Variants in LGALSL observed in about 807,000 individuals in gnomAD.
LGALSL encodes the protein galectin-related protein.
Under a neutral mutation model 19.5 loss-of-function variants are expected in LGALSL, and 13 were observed. The ratio of observed to expected loss-of-function variants is 0.67; its 90% CI spans 0.43 to 1.06. LGALSL has a LOEUF of 1.06. Among genes scored for constraint, LGALSL ranks in the 50% least tolerant of loss-of-function variants. LGALSL has a pLI of 0.00. For synonymous variants in LGALSL, 86 were observed against 78.3 expected (o/e 1.10, Z -0.52); for missense variants, 189 against 219.3 (o/e 0.86, Z 0.87).
Position 64,454,476 on chromosome 2 carries a change from C to A in LGALSL, c.-70C>A. On this transcript the variant is annotated 5_prime_UTR_variant, in exon 1 of 5. Coordinates refer to ENST00000238875, the MANE Select transcript of LGALSL (RefSeq NM_014181.3). This position sits in a 1 kb window ranked among gnomAD's most constrained non-coding sequence, Gnocchi z 5.1. ...CGGACCCGCGCCCCCGCCCCCGCCC[C>A]GCGCAGGACAGCCCCGGGATCCCCG... 5 of 947,450 alleles carry A rather than the reference C, an allele frequency of 5.3e-6. No homozygotes were observed. The highest frequency in any genetic ancestry group is 5.3e-5 in the African/African-American group (3 of 56,934). 58.7% of individuals were successfully genotyped at this position (947,450 alleles called of 1,614,324 possible).
chr2:64,454,567 A>G lies in LGALSL; in HGVS notation c.22A>G (p.Ser8Gly). The G allele has an allele frequency of 6.9e-7, 1 of 1,451,788 alleles. No individual in the cohort carries two copies. The highest frequency in any genetic ancestry group is 9.1e-7 in the Non-Finnish European group (1 of 1,099,294). The allele number at this position is 1,451,788 out of a possible 1,614,324, so 89.9% of individuals were successfully genotyped here. A position where few individuals can be genotyped will look rare whatever the true frequency, so the allele number is the denominator to read the frequency against. The change falls in exon 1 of 5, where the codon AGC becomes GGC. Residue 8 changes from serine to glycine, a missense_variant. Transcript: ENST00000238875. The surrounding 1 kb of genome is among the most constrained non-coding windows in gnomAD (Gnocchi z 5.1). The stretch of plus-strand genomic sequence containing the variant: ...GAAGATGGCGGGATCAGTGGCCGAC[A>G]GCGATGCCGTGGTGGTGAGTGTGGC... MAGSVAD[S>G]DAVVKLDDGH...
chr2:64,454,477 G>C lies in LGALSL; in HGVS notation c.-69G>C. 2.3e-6 allele frequency: 2 copies of C among 862,628 alleles called. No individual in the cohort carries two copies. Among genetic ancestry groups the C allele is most frequent in the Non-Finnish European group, 1.5e-6 (1 of 668,992 alleles). The allele number at this position is 862,628 out of a possible 1,614,324, so 53.4% of individuals were successfully genotyped here. A position where few individuals can be genotyped will look rare whatever the true frequency, so the allele number is the denominator to read the frequency against. ...GGACCCGCGCCCCCGCCCCCGCCCC[G>C]CGCAGGACAGCCCCGGGATCCCCGC... is the stretch of plus-strand genomic sequence containing the variant. On this transcript the variant is annotated 5_prime_UTR_variant, in exon 1 of 5. Transcript: ENST00000238875. This position sits in a 1 kb window ranked among gnomAD's most constrained non-coding sequence, Gnocchi z 5.1.
rs1033184815 is a variant in LGALSL at position 64,458,658 on chromosome 2, T to G, written c.*230T>G. Reference sequence around the variant, plus strand: ...ATGCTGGATTTTATTCAGACCAAACTAAAATGGATTTGTGATGATTTGTGA... The same window carrying G: ...ATGCTGGATTTTATTCAGACCAAACGAAAATGGATTTGTGATGATTTGTGA... On this transcript the variant is annotated 3_prime_UTR_variant, in exon 5 of 5. Transcript: ENST00000238875. The G allele has an allele frequency of 2.6e-6, 1 of 384,382 alleles. No homozygotes were observed. The allele number at this position is 384,382 out of a possible 1,614,324, so 23.8% of individuals were successfully genotyped here.
At position 64,459,241 on chromosome 2, in the gene LGALSL, A is replaced by C. The variant is rs896442610; in HGVS notation, c.*813A>C. 1 of 152,228 alleles carries C rather than the reference A, an allele frequency of 6.6e-6. No homozygotes were observed. Among genetic ancestry groups the C allele is most frequent in the African/African-American group, 2.4e-5 (1 of 41,460 alleles). 9.4% of individuals were successfully genotyped at this position (152,228 alleles called of 1,614,324 possible). A position where few individuals can be genotyped will look rare whatever the true frequency, so the allele number is the denominator to read the frequency against. On this transcript the variant is annotated 3_prime_UTR_variant, in exon 5 of 5. Transcript: ENST00000238875. ...GTTGGTTATGTAAAATTCTATTTACATTGCTTTTTCTCCTTACTGGGAATT... is the reference window on the plus strand; with the variant it reads ...GTTGGTTATGTAAAATTCTATTTACCTTGCTTTTTCTCCTTACTGGGAATT...
chr2:64,455,555 G>A (rs1686721839), intron 2 of LGALSL, 34 bp from the exon 3 acceptor site: 1 of 1,590,992 alleles, frequency 6.3e-7, no homozygotes, highest in Non-Finnish European at 8.6e-7. Context: ...CTAACAGGCT[G>A]TAAAATTCAT....
Position 64,458,996 on chromosome 2 carries a change from A to G in LGALSL, c.*568A>G, listed in dbSNP as rs947627926. 1.3e-5 allele frequency: 2 copies of G among 152,256 alleles called. No homozygotes were observed. Among genetic ancestry groups the G allele is most frequent in the South Asian group, 4.1e-4 (2 of 4,834 alleles). 9.4% of individuals were successfully genotyped at this position (152,256 alleles called of 1,614,324 possible). On this transcript the variant is annotated 3_prime_UTR_variant, in exon 5 of 5. Transcript: ENST00000238875. ...CAATGTATGTATTAAAGAATGAACA[A>G]TGTCTCAAGAACAGCAAGTTGTAAA...
At chr2:64,457,667 TAAG>T (rs1473448477) in intron 4 of LGALSL, among the ~76,000 whole-genome samples, 1 of 152,178 alleles carries the variant, frequency 6.6e-6, no homozygotes, top group Non-Finnish European at 1.5e-5. Flanking sequence ...CTGGGGAAAA[TAAG>T]AATCCATGAT....
At position 64,458,316 on chromosome 2, in the gene LGALSL, G is replaced by A. The variant is rs1341668960; in HGVS notation, c.407G>A (p.Arg136Gln). ...VEILCEHPRF[R>Q]VFVDGHQLFD... ...ATTCTTTGTGAGCACCCACGTTTCCGAGTGTTTGTGGATGGACACCAACTT... is the reference window on the plus strand; with the variant it reads ...ATTCTTTGTGAGCACCCACGTTTCCAAGTGTTTGTGGATGGACACCAACTT... The change falls in exon 5 of 5, where the codon CGA (arginine) becomes CAA (glutamine). Residue 136 changes from arginine (R) to glutamine (Q), a missense_variant. Coordinates refer to ENST00000238875, the MANE Select transcript of LGALSL (RefSeq NM_014181.3). The A allele has an allele frequency of 2.5e-6, 4 of 1,613,864 alleles. No individual in the cohort carries two copies. Among genetic ancestry groups the A allele is most frequent in the East Asian group, 2.2e-5 (1 of 44,872 alleles).
Position 64,454,219 on chromosome 2 carries a change from G to A in LGALSL, c.-327G>A. ...TTTAAATGCTGCCCAGGGCCGACGC[G>A]GCACGGCCCTCGCCACTTTTCTTGG... On this transcript the variant is annotated 5_prime_UTR_variant, in exon 1 of 5. Coordinates refer to ENST00000238875, the MANE Select transcript of LGALSL (RefSeq NM_014181.3). This position sits in a 1 kb window ranked among gnomAD's most constrained non-coding sequence, Gnocchi z 5.1. 2.5e-6 allele frequency: 1 copy of A among 395,262 alleles called. No homozygotes were observed. Among genetic ancestry groups the A allele is most frequent in the African/African-American group, 2.1e-5 (1 of 48,496 alleles). 24.5% of individuals were successfully genotyped at this position (395,262 alleles called of 1,614,324 possible).
rs1047843572 is a variant in LGALSL at position 64,460,225 on chromosome 2, A to T, written c.*1797A>T. 6.6e-6 allele frequency: 1 copy of T among 152,182 alleles called. No individual in the cohort carries two copies. The highest frequency in any genetic ancestry group is 1.5e-5 in the Non-Finnish European group (1 of 68,028). The allele number at this position is 152,182 out of a possible 1,614,324, so 9.4% of individuals were successfully genotyped here. A position where few individuals can be genotyped will look rare whatever the true frequency, so the allele number is the denominator to read the frequency against. On this transcript the variant is annotated 3_prime_UTR_variant, in exon 5 of 5. Transcript: ENST00000238875. The stretch of plus-strand genomic sequence containing the variant: ...ATAAGAAGACACTGTATCCAACAAG[A>T]CTGGCTGTACATTGAAAAGCTTTAT...
At position 64,456,345 on chromosome 2, in the gene LGALSL, C is replaced by G. The variant is rs188688424; in HGVS notation, c.255C>G (p.Ile85Met). ...DSEDPPADVA[I>M]ELKAVFTDRQ... ...AAGACCCTCCTGCCGATGTGGCAATCGAACTCAAAGCTGTGTTCACAGATC... is the reference window on the plus strand; with the variant it reads ...AAGACCCTCCTGCCGATGTGGCAATGGAACTCAAAGCTGTGTTCACAGATC... Residue 85 changes from isoleucine (I) to methionine (M), a missense_variant, in exon 4 of 5, where the codon ATC becomes ATG. Ile to Met is a conservative substitution (Grantham distance 10). Transcript: ENST00000238875. 1 of 1,612,316 alleles carries G rather than the reference C, an allele frequency of 6.2e-7. No individual in the cohort carries two copies. The highest frequency in any genetic ancestry group is 8.5e-7 in the Non-Finnish European group (1 of 1,179,280).
At position 64,454,608 on chromosome 2, in the gene LGALSL, C is replaced by A; in HGVS notation, c.36+27C>A. The A allele has an allele frequency of 7.3e-7, 1 of 1,376,412 alleles. No individual in the cohort carries two copies. The highest frequency in any genetic ancestry group is 9.4e-7 in the Non-Finnish European group (1 of 1,058,392). 85.3% of individuals were successfully genotyped at this position (1,376,412 alleles called of 1,614,324 possible). On this transcript the variant is annotated intron_variant, in intron 1 of 4. Coordinates refer to ENST00000238875, the MANE Select transcript of LGALSL (RefSeq NM_014181.3). This position sits in a 1 kb window ranked among gnomAD's most constrained non-coding sequence, Gnocchi z 5.1. ...TGAGTGTGGCAGGGCGCGCGCGAGG[C>A]GCCCCTCCCCGCCGTCCCGCACTCC...
chr2:64,454,563 C>A lies in LGALSL; in HGVS notation c.18C>A (p.Ala6=). The A allele has an allele frequency of 2.1e-6, 3 of 1,452,452 alleles. No homozygotes were observed. The highest frequency in any genetic ancestry group is 1.8e-6 in the Non-Finnish European group (2 of 1,099,626). 90.0% of individuals were successfully genotyped at this position (1,452,452 alleles called of 1,614,324 possible). A position where few individuals can be genotyped will look rare whatever the true frequency, so the allele number is the denominator to read the frequency against. MAGSV[A]DSDAVVKLDD... ...GCAAGAAGATGGCGGGATCAGTGGC[C>A]GACAGCGATGCCGTGGTGGTGAGTG... The change falls in exon 1 of 5, where the codon GCC becomes GCA. Residue 6 remains alanine (A), a synonymous_variant. Coordinates refer to ENST00000238875, the MANE Select transcript of LGALSL (RefSeq NM_014181.3). The surrounding 1 kb of genome is among the most constrained non-coding windows in gnomAD (Gnocchi z 5.1).
At chr2:64,457,307 C>T (rs753236446) in intron 4 of LGALSL, among the ~76,000 whole-genome samples, 1 of 151,972 alleles carries the variant, frequency 6.6e-6, no homozygotes, top group African/African-American at 2.4e-5. Flanking sequence ...ACCTGTAGTC[C>T]TAGCTACTTG....
chr2:64,456,826 A>G (rs1413052554), intron 4 of LGALSL, among the ~76,000 whole-genome samples: 1 of 152,238 alleles, frequency 6.6e-6, no homozygotes, highest in African/African-American at 2.4e-5. Context: ...AATATTAATA[A>G]GGTTGAGAGC....
intron 1 of LGALSL, among the ~76,000 whole-genome samples, chr2:64,455,071 C>A (rs949503857): frequency 3.9e-5 from 6 of 152,116 alleles, no homozygotes; most frequent in Admixed American, 2.0e-4. Context: ...TGCCCTCCTC[C>A]GGCGTGGGGC....
chr2:64,454,456 C>T lies in LGALSL; in HGVS notation c.-90C>T, dbSNP rs1262671636. 1.0e-5 allele frequency: 7 copies of T among 699,622 alleles called. No homozygotes were observed. Among genetic ancestry groups the T allele is most frequent in the Non-Finnish European group, 1.3e-5 (7 of 530,174 alleles). 43.3% of individuals were successfully genotyped at this position (699,622 alleles called of 1,614,324 possible). A position where few individuals can be genotyped will look rare whatever the true frequency, so the allele number is the denominator to read the frequency against. On this transcript the variant is annotated 5_prime_UTR_variant, in exon 1 of 5. Coordinates refer to ENST00000238875, the MANE Select transcript of LGALSL (RefSeq NM_014181.3). The surrounding 1 kb of genome is among the most constrained non-coding windows in gnomAD (Gnocchi z 5.1). ...GCGCGCGCCCGCCGCCAGCTCGGAC[C>T]CGCGCCCCCGCCCCCGCCCCGCGCA... is the stretch of plus-strand genomic sequence containing the variant.
At chr2:64,457,264 A>G (rs1168689723) in intron 4 of LGALSL, among the ~76,000 whole-genome samples, 1 of 151,812 alleles carries the variant, frequency 6.6e-6, no homozygotes. Context: ...CTGCCTTTAA[A>G]AAAAAAAAAA....
Position 64,456,434 on chromosome 2 carries a change from A to G in LGALSL, c.344A>G (p.Tyr115Cys). The change falls in exon 4 of 5, where the codon TAC becomes TGC. Residue 115 changes from tyrosine (Y) to cysteine (C), a missense_variant. Physicochemically the swap from Tyr to Cys is radical, Grantham distance 194. Coordinates refer to ENST00000238875, the MANE Select transcript of LGALSL (RefSeq NM_014181.3). ...GGTGAAGAACAGTCAGCAATCCCTTACTTTCCATTCATTCCAGACCAGCCA... is the reference window on the plus strand; with the variant it reads ...GGTGAAGAACAGTCAGCAATCCCTTGCTTTCCATTCATTCCAGACCAGCCA... ...ERGEEQSAIP[Y>C]FPFIPDQPFR... is the part of the protein sequence containing the mutation. 1 of 1,601,326 alleles carries G rather than the reference A, an allele frequency of 6.2e-7. No individual in the cohort carries two copies. The highest frequency in any genetic ancestry group is 8.5e-7 in the Non-Finnish European group (1 of 1,173,230).
Sources: gnomAD v4.1 joint callset for allele counts (sites outside exome capture counted in the v4.1 genomes callset) on GRCh38, gnomAD v4.1.1 for gene constraint, Gnocchi (gnomAD v3.1) non-coding constraint, MANE v1.5 for transcripts, NCBI Gene and HGNC (gene_info 2026-07-23, HGNC 2026-07-21) for gene names.